The following KCNIP4 variants were observed in gnomAD, a reference collection of about 807,000 sequenced individuals.
KCNIP4 encodes the protein potassium voltage-gated channel interacting protein 4, also known as Kv channel-interacting protein 4.
A neutral mutation model predicts 34.0 loss-of-function variants in KCNIP4; 12 were observed. The observed-to-expected ratio is 0.35, with a 90% CI of 0.23 to 0.57. The LOEUF (loss-of-function observed/expected upper bound fraction) is 0.57, where lower values mean the gene tolerates loss of function less well. Among genes scored for constraint, KCNIP4 ranks in the 20% least tolerant of loss-of-function variants. The pLI, the probability that KCNIP4 is intolerant of heterozygous loss-of-function variation, is 0.83. For synonymous variants in KCNIP4, 124 were observed against 102.2 expected, an observed-to-expected ratio of 1.21 and a Z score of -1.29; for missense variants, 238 against 311.7, an observed-to-expected ratio of 0.76 and a Z score of 1.78.
chr4:21,650,814 G>A (rs1747427207), intron 1 of KCNIP4, among the ~76,000 whole-genome samples: 1 of 152,154 alleles, frequency 6.6e-6, no homozygotes, highest in Non-Finnish European at 1.5e-5. Flanking sequence ...ATTTCCATCT[G>A]GAGTTTGGGG....
intron 1 of KCNIP4, among the ~76,000 whole-genome samples, chr4:21,533,247 A>T (rs1222499137): frequency 6.6e-6 from 1 of 152,072 alleles, no homozygotes; most frequent in African/African-American, 2.4e-5. Context: ...TAGAATTTTC[A>T]TTTTTTAAAT....
intron 1 of KCNIP4, among the ~76,000 whole-genome samples, chr4:21,105,616 G>T (rs143098293): frequency 0.28 from 42,763 of 151,314 alleles, 6,923 homozygotes; most frequent in African/African-American, 0.41. Flanking sequence ...GCCCTGGCCA[G>T]AACTTCCAAC....
intron 1 of KCNIP4, among the ~76,000 whole-genome samples, chr4:21,750,444 C>T (rs947125927): frequency 6.6e-6 from 1 of 152,120 alleles, no homozygotes; most frequent in East Asian, 1.9e-4. Context: ...TTTCCAGTTC[C>T]CTCAAATATG....
chr4:21,833,302 A>G (rs1353561955), intron 1 of KCNIP4, among the ~76,000 whole-genome samples: 1 of 152,004 alleles, frequency 6.6e-6, no homozygotes, highest in African/African-American at 2.4e-5. Context: ...GTGAGATGGT[A>G]TCTCATTGTG....
intron 1 of KCNIP4, chr4:21,852,547 A>G (rs1724477292): frequency 6.6e-6 from 1 of 152,220 alleles, no homozygotes; most frequent in Non-Finnish European, 1.5e-5. Flanking sequence ...GGTAGATTTA[A>G]GTCGATGTTC....
intron 1 of KCNIP4, among the ~76,000 whole-genome samples, chr4:21,218,297 G>A (rs1304805588): frequency 1.3e-5 from 2 of 152,058 alleles, no homozygotes; most frequent in African/African-American, 4.8e-5. Context: ...TTACAGACAT[G>A]AGCCACTGCA....
intron 1 of KCNIP4, among the ~76,000 whole-genome samples, chr4:21,253,586 C>T (rs989404095): frequency 2.0e-5 from 3 of 152,156 alleles, no homozygotes; most frequent in African/African-American, 4.8e-5. Context: ...AATTTGTCTG[C>T]TAGATAGTGT....
At chr4:20,825,579 C>T (rs981529943) in intron 3 of KCNIP4, among the ~76,000 whole-genome samples, 2 of 152,044 alleles carry the variant, frequency 1.3e-5, no homozygotes, top group South Asian at 2.1e-4. Flanking sequence ...GAGAACAGAA[C>T]GTTTAGTTTT....
intron 3 of KCNIP4, 93 bp downstream of exon 3, chr4:20,850,450 C>G: frequency 1.5e-6 from 2 of 1,321,376 alleles, no homozygotes; most frequent in East Asian, 2.3e-5. Flanking sequence ...TGATGGGGCT[C>G]TCATAGAATG....
intron 1 of KCNIP4, among the ~76,000 whole-genome samples, chr4:21,276,329 G>C (rs949226745): frequency 6.9e-6 from 1 of 144,466 alleles, no homozygotes. Context: ...GTGGTAGTTT[G>C]TTTCAGTAGT....
At chr4:21,230,311 C>A (rs1167958070) in intron 1 of KCNIP4, among the ~76,000 whole-genome samples, 1 of 152,070 alleles carries the variant, frequency 6.6e-6, no homozygotes, top group Non-Finnish European at 1.5e-5. Context: ...CTCAGACTTG[C>A]AGCCTCCAGA....
intron 1 of KCNIP4, among the ~76,000 whole-genome samples, chr4:21,055,640 C>T (rs966196099): frequency 1.9e-4 from 29 of 152,194 alleles, no homozygotes; most frequent in African/African-American, 7.0e-4. Flanking sequence ...AACTTGAGTT[C>T]CTATATTTAA....
intron 1 of KCNIP4, among the ~76,000 whole-genome samples, chr4:21,022,009 A>T (rs1338694815): frequency 6.6e-6 from 1 of 152,118 alleles, no homozygotes; most frequent in Non-Finnish European, 1.5e-5. Flanking sequence ...GCAGCACAGT[A>T]GGTTTTTTTA....
intron 1 of KCNIP4, among the ~76,000 whole-genome samples, chr4:21,096,402 T>A (rs1747462508): frequency 6.6e-6 from 1 of 152,212 alleles, no homozygotes; most frequent in East Asian, 1.9e-4. Context: ...GTGTTAATAG[T>A]CAAATTTTAT....
chr4:20,772,335 C>T (rs1041666890), intron 3 of KCNIP4, among the ~76,000 whole-genome samples: 4 of 152,152 alleles, frequency 2.6e-5, no homozygotes, highest in African/African-American at 9.7e-5. Flanking sequence ...CACTTGACTA[C>T]GCACAGGAGC....
chr4:21,661,720 C>A (rs547327345), intron 1 of KCNIP4, among the ~76,000 whole-genome samples: 5 of 152,254 alleles, frequency 3.3e-5, no homozygotes, highest in Admixed American at 2.6e-4. Context: ...CCTGCCCCCA[C>A]CCTCCACCCT....
chr4:20,952,013 GCA>G (rs1016915582), intron 1 of KCNIP4, among the ~76,000 whole-genome samples: 12 of 152,154 alleles, frequency 7.9e-5, no homozygotes, highest in African/African-American at 2.9e-4. Flanking sequence ...ATGGTGCCTA[GCA>G]CAGAGTGGGT....
At chr4:20,797,662 G>C (rs939557289) in intron 3 of KCNIP4, among the ~76,000 whole-genome samples, 3 of 152,182 alleles carry the variant, frequency 2.0e-5, no homozygotes, top group African/African-American at 7.2e-5. Context: ...AGCAGGAAAA[G>C]AATTTGCATC....
chr4:20,830,790 T>A (rs1228046124), intron 3 of KCNIP4, among the ~76,000 whole-genome samples: 2 of 152,200 alleles, frequency 1.3e-5, no homozygotes, highest in African/African-American at 4.8e-5. Context: ...TGAAGTTACA[T>A]CTTCGGCAGA....
Sources: allele counts gnomAD v4.1 joint callset (sites outside exome capture counted in the v4.1 genomes callset), GRCh38; gene constraint gnomAD v4.1.1; transcripts MANE v1.5; gene names NCBI Gene and HGNC (gene_info 2026-07-23, HGNC 2026-07-21).